RNLS: variants seen among roughly 807,000 people sequenced by gnomAD.
The protein encoded by RNLS is renalase, FAD dependent amine oxidase.
Under a neutral mutation model 39.8 loss-of-function variants are expected in RNLS, and 39 were observed. The observed-to-expected ratio is 0.98, with a 90% CI of 0.76 to 1.28. The LOEUF is 1.28. RNLS is among the 50% of genes most tolerant of loss of function. RNLS has a pLI of 0.00. For synonymous variants in RNLS, 147 were observed against 150.7 expected, an observed-to-expected ratio of 0.98 and a Z score of 0.18; for missense variants, 410 against 413.3, an observed-to-expected ratio of 0.99 and a Z score of 0.07.
intron 3 of RNLS, among the ~76,000 whole-genome samples, chr10:88,579,832 A>G (rs1850431017): frequency 6.6e-6 from 1 of 152,130 alleles, no homozygotes; most frequent in African/African-American, 2.4e-5. Context: ...TGTTTCTATG[A>G]GCACGTTTTT....
At chr10:88,360,379 TGAG>T (rs1332327580) in intron 5 of RNLS, among the ~76,000 whole-genome samples, 2 of 152,166 alleles carry the variant, frequency 1.3e-5, no homozygotes, top group Admixed American at 6.5e-5. Context: ...CTGTGGCACA[TGAG>T]GAGAAGTCTA....
At chr10:88,389,996 G>T (rs1461611574) in intron 4 of RNLS, among the ~76,000 whole-genome samples, 1 of 152,198 alleles carries the variant, frequency 6.6e-6, no homozygotes, top group Non-Finnish European at 1.5e-5. Flanking sequence ...TACAGCATTT[G>T]CAACAATATT....
Position 88,315,779 on chromosome 10 carries a change from CT to C in RNLS, c.701-1139del, listed in dbSNP as rs370722806. ...AATGAGAATAAGTTAGTAGCCACCA[CT>C]TTTTTTTTTTAATGAGAATAAGTTA... On this transcript the variant is annotated intron_variant, in intron 5 of 6. Coordinates refer to ENST00000331772, the MANE Select transcript of RNLS (RefSeq NM_001031709.3). Among the ~76,000 whole-genome samples the C allele has an allele frequency of 4.5e-3, 631 of 138,972 alleles. 7 individuals are homozygous for C. Among genetic ancestry groups the C allele is most frequent in the African/African-American group, 0.013 (505 of 38,116 alleles). 91.2% of individuals were successfully genotyped at this position (138,972 alleles called of 152,430 possible).
intron 4 of RNLS, among the ~76,000 whole-genome samples, chr10:88,549,189 A>C (rs1175943273): frequency 6.6e-6 from 1 of 152,138 alleles, no homozygotes; most frequent in Non-Finnish European, 1.5e-5. Context: ...ATACATGTAA[A>C]AATATTATTT....
intron 4 of RNLS, among the ~76,000 whole-genome samples, chr10:88,424,366 A>T (rs1854585353): frequency 1.3e-5 from 2 of 152,202 alleles, no homozygotes; most frequent in South Asian, 4.1e-4. Flanking sequence ...CACTGGATAA[A>T]GGAAATAATC....
chr10:88,546,551 T>A (rs1015466794), intron 4 of RNLS, among the ~76,000 whole-genome samples: 17 of 152,180 alleles, frequency 1.1e-4, no homozygotes, highest in African/African-American at 3.6e-4. Flanking sequence ...ACATTTTGAG[T>A]TTTTTTCCTA....
chr10:88,431,223 T>A (rs1490209346), intron 4 of RNLS, among the ~76,000 whole-genome samples: 1 of 151,686 alleles, frequency 6.6e-6, no homozygotes, highest in Non-Finnish European at 1.5e-5. Flanking sequence ...TCAAGAAATG[T>A]GTCCATTTCA....
chr10:88,491,997 C>T (rs1189851092), intron 4 of RNLS, among the ~76,000 whole-genome samples: 1 of 146,866 alleles, frequency 6.8e-6, no homozygotes, highest in African/African-American at 2.5e-5. Flanking sequence ...AAATCAGTAG[C>T]CTAAAATAAA....
chr10:88,490,745 TGAAGTGACTACAGCTACATGG>T (rs1279871773), intron 4 of RNLS, among the ~76,000 whole-genome samples: 34 of 152,298 alleles, frequency 2.2e-4, no homozygotes, highest in African/African-American at 7.7e-4. Context: ...TAACATTTCC[TGAAGTGACTACAGCTACATGG>T]GTAAGCCACA....
intron 4 of RNLS, among the ~76,000 whole-genome samples, chr10:88,365,554 C>T (rs374390613): frequency 1.5e-5 from 2 of 132,268 alleles, no homozygotes; most frequent in Non-Finnish European, 3.2e-5. Flanking sequence ...CACACACACA[C>T]ACGTACGTAT....
chr10:88,562,082 C>CA (rs1849226190), intron 4 of RNLS, among the ~76,000 whole-genome samples: 1 of 45,306 alleles, frequency 2.2e-5, no homozygotes, highest in South Asian at 8.1e-4. Flanking sequence ...CATTGTCAAA[C>CA]GTAAGAGTGA....
At chr10:88,352,548 G>GCT (rs1848796832) in intron 5 of RNLS, among the ~76,000 whole-genome samples, 1 of 152,220 alleles carries the variant, frequency 6.6e-6, no homozygotes, top group African/African-American at 2.4e-5. Flanking sequence ...CAGTGATGAA[G>GCT]CTCACTTGAT....
At chr10:88,402,305 CAG>C (rs1852972760) in intron 4 of RNLS, among the ~76,000 whole-genome samples, 1 of 151,742 alleles carries the variant, frequency 6.6e-6, no homozygotes, top group African/African-American at 2.4e-5. Context: ...GAAAGTATGC[CAG>C]AGAGACACAT....
intron 4 of RNLS, among the ~76,000 whole-genome samples, chr10:88,377,864 CT>C (rs947772812): frequency 5.9e-5 from 9 of 152,030 alleles, no homozygotes; most frequent in South Asian, 2.1e-4. Flanking sequence ...ACTTTGTAAA[CT>C]TTTTTTTAAA....
intron 4 of RNLS, among the ~76,000 whole-genome samples, chr10:88,428,720 C>T (rs2133798597): frequency 6.6e-6 from 1 of 152,050 alleles, no homozygotes; most frequent in South Asian, 2.1e-4. Context: ...AAGGGACACT[C>T]CCTGAAGTGA....
intron 4 of RNLS, among the ~76,000 whole-genome samples, chr10:88,521,457 A>G (rs1008118970): frequency 4.6e-5 from 7 of 152,084 alleles, no homozygotes; most frequent in African/African-American, 1.7e-4. Flanking sequence ...ATATAATACA[A>G]TTCAGTCTGT....
chr10:88,224,639 G>A, the RNLS span, among the ~76,000 whole-genome samples: 7 of 152,078 alleles, frequency 4.6e-5, no homozygotes, highest in Non-Finnish European at 2.9e-5. Flanking sequence ...AGCTTCGATT[G>A]GTATTATATA....
At chr10:88,321,334 T>A (rs899414262) in intron 5 of RNLS, among the ~76,000 whole-genome samples, 1 of 152,052 alleles carries the variant, frequency 6.6e-6, no homozygotes, top group Middle Eastern at 3.2e-3. Context: ...CTGCTAAATG[T>A]TTACATCAAA....
the RNLS span, among the ~76,000 whole-genome samples, chr10:88,176,117 T>C: frequency 1.3e-5 from 2 of 152,184 alleles, no homozygotes; most frequent in African/African-American, 4.8e-5. Flanking sequence ...GAGTTTCTTG[T>C]AGGCATCATA....
Sources: allele counts gnomAD v4.1 joint callset (sites outside exome capture counted in the v4.1 genomes callset), GRCh38; gene constraint gnomAD v4.1.1; transcripts MANE v1.5; gene names NCBI Gene and HGNC (gene_info 2026-07-23, HGNC 2026-07-21).